The following DLGAP2 variants were observed in gnomAD, a reference collection of about 807,000 sequenced individuals.
DLGAP2 encodes the protein DLG associated protein 2, also known as disks large-associated protein 2.
A neutral mutation model predicts 100.3 loss-of-function variants in DLGAP2; 26 were observed. That is an observed-to-expected ratio of 0.26 (90% CI 0.19 to 0.36). DLGAP2 has a LOEUF of 0.36. Among genes scored for constraint, DLGAP2 ranks in the 10% least tolerant of loss-of-function variants. The pLI is 1.00. For synonymous variants in DLGAP2, 886 were observed against 630.1 expected (o/e 1.41, Z -6.08); for missense variants, 1,858 against 1,453.2 (o/e 1.28, Z -4.53).
At chr8:819,534 C>G (rs1372816271) in intron 1 of DLGAP2, among the ~76,000 whole-genome samples, 1 of 152,072 alleles carries the variant, frequency 6.6e-6, no homozygotes. Flanking sequence ...TATTGGGAAT[C>G]AAGAGACTTA....
chr8:1,358,285 C>T (rs10109943), intron 3 of DLGAP2, among the ~76,000 whole-genome samples: 14,349 of 152,192 alleles, frequency 0.094, 1,055 homozygotes, highest in East Asian at 0.34. Flanking sequence ...ATTATCTTAA[C>T]GTCTTCATTT....
At chr8:1,461,597 CG>C (rs1173376271) in intron 3 of DLGAP2, among the ~76,000 whole-genome samples, 21 of 38,072 alleles carry the variant, frequency 5.5e-4, no homozygotes, top group African/African-American at 2.3e-3. Context: ...GCTGCTGTCA[CG>C]TGGGCTGGGT....
chr8:1,673,648 C>T (rs946793039), intron 10 of DLGAP2, among the ~76,000 whole-genome samples: 6 of 152,298 alleles, frequency 3.9e-5, no homozygotes, highest in African/African-American at 9.6e-5. Flanking sequence ...GTGGACGAAC[C>T]TACTTGAGTC....
intron 2 of DLGAP2, among the ~76,000 whole-genome samples, chr8:1,085,098 A>G (rs1239824993): frequency 6.6e-6 from 1 of 152,184 alleles, no homozygotes; most frequent in Non-Finnish European, 1.5e-5. Flanking sequence ...ATTGACTGGC[A>G]TCTCCCTGTG....
At chr8:1,364,771 G>A (rs1008374171) in intron 3 of DLGAP2, among the ~76,000 whole-genome samples, 6 of 152,258 alleles carry the variant, frequency 3.9e-5, no homozygotes, top group Non-Finnish European at 7.3e-5. Flanking sequence ...GGACGAGAGG[G>A]CTTCTCAGAG....
intron 2 of DLGAP2, among the ~76,000 whole-genome samples, chr8:1,252,783 C>T (rs888209028): frequency 2.0e-5 from 3 of 152,256 alleles, no homozygotes; most frequent in African/African-American, 4.8e-5. Flanking sequence ...GTGGTGCCTC[C>T]AGGTGGCTGC....
intron 1 of DLGAP2, among the ~76,000 whole-genome samples, chr8:818,851 A>G (rs1796533962): frequency 6.6e-6 from 1 of 152,206 alleles, no homozygotes; most frequent in Non-Finnish European, 1.5e-5. Flanking sequence ...AATCAAGATA[A>G]ATGATTTGTT....
intron 1 of DLGAP2, among the ~76,000 whole-genome samples, chr8:764,643 T>G (rs922584957): frequency 6.6e-6 from 1 of 152,168 alleles, no homozygotes; most frequent in Non-Finnish European, 1.5e-5. Context: ...TCAGTTATTT[T>G]TCTAATTAGA....
At chr8:1,447,176 T>G (rs1173539756) in intron 3 of DLGAP2, among the ~76,000 whole-genome samples, 5 of 152,270 alleles carry the variant, frequency 3.3e-5, no homozygotes, top group Non-Finnish European at 7.3e-5. Context: ...GTGCCAGTTT[T>G]CAAAGAGAAT....
At chr8:1,374,333 C>G (rs751732558) in intron 3 of DLGAP2, among the ~76,000 whole-genome samples, 4 of 151,658 alleles carry the variant, frequency 2.6e-5, no homozygotes, top group Admixed American at 2.0e-4. Context: ...CCATGCAGCC[C>G]GCAAAACACC....
chr8:1,628,454 C>T (rs1167942442), intron 7 of DLGAP2, among the ~76,000 whole-genome samples: 1 of 115,324 alleles, frequency 8.7e-6, no homozygotes, highest in Non-Finnish European at 1.8e-5. Context: ...TACTGTGGAG[C>T]AGGAATTAAG....
intron 3 of DLGAP2, among the ~76,000 whole-genome samples, chr8:1,371,954 G>C (rs930473490): frequency 1.3e-5 from 2 of 152,256 alleles, no homozygotes; most frequent in Non-Finnish European, 2.9e-5. Context: ...GAGCCAGGGA[G>C]AACAGAAAAG....
chr8:1,491,105 A>AC (rs1799370482), intron 3 of DLGAP2, among the ~76,000 whole-genome samples: 1 of 146,842 alleles, frequency 6.8e-6, no homozygotes, highest in Non-Finnish European at 1.5e-5. Context: ...CAAAAATAAA[A>AC]TCACTTTTCA....
At chr8:771,390 G>C (rs1821356193) in intron 1 of DLGAP2, among the ~76,000 whole-genome samples, 2 of 152,076 alleles carry the variant, frequency 1.3e-5, no homozygotes, top group South Asian at 2.1e-4. Context: ...TTATTAAGTA[G>C]AGAAAAACAC....
At chr8:1,469,580 C>A (rs1438187285) in intron 3 of DLGAP2, among the ~76,000 whole-genome samples, 1 of 152,198 alleles carries the variant, frequency 6.6e-6, no homozygotes, top group Non-Finnish European at 1.5e-5. Context: ...TCAGAAGAAC[C>A]TCCCACGTAT....
intron 1 of DLGAP2, among the ~76,000 whole-genome samples, chr8:844,988 A>G (rs1163887672): frequency 6.6e-6 from 1 of 152,238 alleles, no homozygotes; most frequent in African/African-American, 2.4e-5. Flanking sequence ...AGGTTCGTCC[A>G]TGTCATGTCA....
chr8:1,198,843 C>T (rs1797809237), intron 2 of DLGAP2, among the ~76,000 whole-genome samples: 1 of 152,218 alleles, frequency 6.6e-6, no homozygotes, highest in Admixed American at 6.5e-5. Flanking sequence ...AGGCATTGGT[C>T]TTGGCTGGGG....
At chr8:1,340,871 G>A (rs1312617841) in intron 3 of DLGAP2, among the ~76,000 whole-genome samples, 1 of 152,168 alleles carries the variant, frequency 6.6e-6, no homozygotes, top group East Asian at 1.9e-4. Flanking sequence ...AGAAAATGTG[G>A]TATATGTACA....
At chr8:1,078,492 G>A (rs999951560) in intron 2 of DLGAP2, among the ~76,000 whole-genome samples, 9 of 152,144 alleles carry the variant, frequency 5.9e-5, no homozygotes, top group East Asian at 3.9e-4. Context: ...GTGGAATGGC[G>A]TATGCCCACC....
Sources: gnomAD v4.1 joint callset for allele counts (sites outside exome capture counted in the v4.1 genomes callset) on GRCh38, gnomAD v4.1.1 for gene constraint, MANE v1.5 for transcripts, NCBI Gene and HGNC (gene_info 2026-07-23, HGNC 2026-07-21) for gene names.